The following HRH1 variants were observed in gnomAD, a reference collection of about 807,000 sequenced individuals.
HRH1 encodes histamine H1 receptor.
A neutral mutation model predicts 10.3 loss-of-function variants in HRH1; 6 were observed. That is an observed-to-expected ratio of 0.58 (90% CI 0.32 to 1.15). HRH1 has a LOEUF of 1.15. Ranked by LOEUF, HRH1 falls within the 50% of genes most tolerant of loss-of-function variation. The probability of loss-of-function intolerance (pLI) is 0.05; values close to 1 mark genes in which losing one functional copy is unlikely to be tolerated. For missense variants in HRH1, 514 were observed against 615.3 expected (o/e 0.84, Z 1.74); for synonymous variants, 242 against 236.7 (o/e 1.02, Z -0.21).
At chr3:11,241,645 A>G (rs1212611069) in intron 1 of HRH1, among the ~76,000 whole-genome samples, 2 of 150,740 alleles carry the variant, frequency 1.3e-5, no homozygotes, top group African/African-American at 4.9e-5. Flanking sequence ...CATCCTGGCT[A>G]ACACAGTGAA....
At chr3:11,207,568 CA>C (rs1258052930) in intron 1 of HRH1, among the ~76,000 whole-genome samples, 5 of 151,800 alleles carry the variant, frequency 3.3e-5, no homozygotes, top group Non-Finnish European at 5.9e-5. Flanking sequence ...GACTCTGTCT[CA>C]AAAAAACAAA....
intron 1 of HRH1, 129 bp from the exon 2 acceptor site, chr3:11,258,874 A>AT: frequency 1.6e-6 from 1 of 611,664 alleles, no homozygotes; most frequent in Non-Finnish European, 2.8e-6. Context: ...GTACATGGCT[A>AT]TTGAGTAGGT....
chr3:11,149,931 T>C (rs532591474), upstream of HRH1, among the ~76,000 whole-genome samples: 1 of 152,328 alleles, frequency 6.6e-6, no homozygotes, highest in South Asian at 2.1e-4. Context: ...AGCCTCCTGG[T>C]CCAGTCTCCT....
intron 1 of HRH1, among the ~76,000 whole-genome samples, chr3:11,222,253 G>GCAGCCA (rs1938733020): frequency 6.6e-6 from 1 of 152,186 alleles, no homozygotes; most frequent in African/African-American, 2.4e-5. Flanking sequence ...GAGGGTGGGT[G>GCAGCCA]CAGCCACAGC....
At chr3:11,147,242 C>T (rs1031670488) in intron 1 of HRH1, among the ~76,000 whole-genome samples, 1 of 152,162 alleles carries the variant, frequency 6.6e-6, no homozygotes, top group Non-Finnish European at 1.5e-5. Context: ...AACCTCCTGA[C>T]CCAGGGCCTG....
In HRH1 at chr3:11,138,221, A is replaced by G. The variant is rs1318331316; in HGVS notation, c.-36+822A>G. Among the ~76,000 whole-genome samples, 6 of 134,150 alleles carry G rather than the reference A, an allele frequency of 4.5e-5. No individual in the cohort carries two copies. The East Asian group carries it at 1.3e-3, about 29-fold the overall frequency. 88.0% of individuals were successfully genotyped at this position (134,150 alleles called of 152,430 possible). A position where few individuals can be genotyped will look rare whatever the true frequency, so the allele number is the denominator to read the frequency against. ...GTATTTTTAGTAGAGACGGGGTTTCACCGTGTTAGCCAGGATGGTCTCGAT... is the reference window on the plus strand; with the variant it reads ...GTATTTTTAGTAGAGACGGGGTTTCGCCGTGTTAGCCAGGATGGTCTCGAT... On this transcript the variant is annotated intron_variant, in intron 1 of 1. Transcript: ENST00000438284.
chr3:11,162,629 G>C (rs1277532323), intron 1 of HRH1, among the ~76,000 whole-genome samples: 1 of 151,992 alleles, frequency 6.6e-6, no homozygotes, highest in Non-Finnish European at 1.5e-5. Context: ...TTATGCTAGA[G>C]TGTAACTGGG....
chr3:11,230,391 T>A (rs1032522236), intron 1 of HRH1, among the ~76,000 whole-genome samples: 1 of 152,146 alleles, frequency 6.6e-6, no homozygotes, highest in African/African-American at 2.4e-5. Flanking sequence ...GGGGAGCTAT[T>A]AAAAAACAGA....
intron 1 of HRH1, among the ~76,000 whole-genome samples, chr3:11,237,612 A>C (rs1257971227): frequency 6.6e-6 from 1 of 151,636 alleles, no homozygotes; most frequent in Non-Finnish European, 1.5e-5. Flanking sequence ...GCAATATGGA[A>C]ACTCTCCCAG....
At chr3:11,235,386 G>A (rs1251557184) in intron 1 of HRH1, among the ~76,000 whole-genome samples, 2 of 81,732 alleles carry the variant, frequency 2.4e-5, no homozygotes, top group East Asian at 3.7e-4. Flanking sequence ...GAGGACACAC[G>A]GGGAGAGTAT....
chr3:11,243,702 A>G (rs917798737), intron 1 of HRH1, among the ~76,000 whole-genome samples: 2 of 152,144 alleles, frequency 1.3e-5, no homozygotes, highest in African/African-American at 4.8e-5. Flanking sequence ...TGAGCCTTAA[A>G]TACCTCTTTC....
At chr3:11,236,620 T>C (rs1199461790) in intron 1 of HRH1, among the ~76,000 whole-genome samples, 1 of 152,236 alleles carries the variant, frequency 6.6e-6, no homozygotes, top group Admixed American at 6.5e-5. Flanking sequence ...AATGGATAGA[T>C]AGATGAATGA....
intron 1 of HRH1, among the ~76,000 whole-genome samples, chr3:11,201,067 G>A (rs550992609): frequency 2.6e-5 from 4 of 152,254 alleles, no homozygotes; most frequent in Non-Finnish European, 4.4e-5. Flanking sequence ...TGCAGTTTTC[G>A]GGGATCTATC....
At chr3:11,183,934 C>T (rs1385949947) in intron 1 of HRH1, among the ~76,000 whole-genome samples, 2 of 146,878 alleles carry the variant, frequency 1.4e-5, no homozygotes, top group African/African-American at 5.1e-5. Flanking sequence ...GAGAGGCAGG[C>T]CGTGTGACTG....
chr3:11,194,661 A>G (rs574626882), intron 1 of HRH1, among the ~76,000 whole-genome samples: 1 of 152,298 alleles, frequency 6.6e-6, no homozygotes, highest in East Asian at 1.9e-4. Flanking sequence ...TAAAAATACA[A>G]ACAATTAGCT....
chr3:11,255,999 G>A lies in HRH1; in HGVS notation c.-35-3004G>A, dbSNP rs117787565. ...GGTTTGGACTTGATCAGGGCAGAAG[G>A]TGAAGCTGCAAGGTATTAGATGTGG... On this transcript the variant is annotated intron_variant, in intron 1 of 1. Coordinates refer to ENST00000431010, the MANE Select transcript of HRH1 (RefSeq NM_001098212.2). 3.5e-4 allele frequency among the ~76,000 whole-genome samples: 53 copies of A among 152,296 alleles called. 2 individuals carry two copies. The East Asian group carries it at 9.7e-3, about 28-fold the overall frequency.
chr3:11,139,478 C>T (rs970860850), intron 1 of HRH1, among the ~76,000 whole-genome samples: 3 of 152,022 alleles, frequency 2.0e-5, no homozygotes, highest in African/African-American at 7.3e-5. Flanking sequence ...CAAGGTTTCA[C>T]CGTGTTGGCA....
intron 1 of HRH1, among the ~76,000 whole-genome samples, chr3:11,167,995 A>G (rs191395555): frequency 3.8e-4 from 58 of 152,292 alleles, no homozygotes; most frequent in African/African-American, 1.3e-3. Context: ...CATGCAGGAG[A>G]GGAACCAAGG....
At chr3:11,210,663 C>A (rs1481176932) in intron 1 of HRH1, among the ~76,000 whole-genome samples, 1 of 151,822 alleles carries the variant, frequency 6.6e-6, no homozygotes, top group African/African-American at 2.4e-5. Flanking sequence ...TGTGGTGGTG[C>A]GCATTCACAG....
Sources: allele counts gnomAD v4.1 joint callset (sites outside exome capture counted in the v4.1 genomes callset), GRCh38; gene constraint gnomAD v4.1.1; transcripts MANE v1.5; gene names NCBI Gene and HGNC (gene_info 2026-07-23, HGNC 2026-07-21).